Variants in RBMS3 observed in about 807,000 individuals in gnomAD.
RBMS3 encodes RNA binding motif single stranded interacting protein 3, also known as RNA-binding motif, single-stranded-interacting protein 3.
RBMS3 carries 27 observed loss-of-function variants against 66.8 expected under a neutral mutation model. The ratio of observed to expected loss-of-function variants is 0.40; its 90% CI spans 0.30 to 0.56. RBMS3 has a LOEUF of 0.56. Among genes scored for constraint, RBMS3 ranks in the 20% least tolerant of loss-of-function variants. The probability of loss-of-function intolerance (pLI) is 0.40; values close to 1 mark genes in which losing one functional copy is unlikely to be tolerated. For synonymous variants in RBMS3, 188 were observed against 183.0 expected, an observed-to-expected ratio of 1.03 and a Z score of -0.22; for missense variants, 513 against 549.5, an observed-to-expected ratio of 0.93 and a Z score of 0.66.
At chr3:29,900,554 G>C (rs982279057) in intron 10 of RBMS3, among the ~76,000 whole-genome samples, 1 of 151,674 alleles carries the variant, frequency 6.6e-6, no homozygotes, top group Non-Finnish European at 1.5e-5. Context: ...GTGCGAGATA[G>C]AGATTTCAAT....
chr3:29,883,249 A>G (rs1273484191), intron 7 of RBMS3, among the ~76,000 whole-genome samples: 3 of 152,060 alleles, frequency 2.0e-5, no homozygotes, highest in Non-Finnish European at 4.4e-5. Context: ...TCTTGGGCCA[A>G]TGTCATAGCT....
chr3:29,794,479 G>A (rs558987672), intron 6 of RBMS3, among the ~76,000 whole-genome samples: 3 of 152,160 alleles, frequency 2.0e-5, no homozygotes, highest in East Asian at 3.9e-4. Context: ...CCAGCTACTC[G>A]GGAGGCTGAG....
chr3:29,879,431 C>T (rs2059686708), intron 7 of RBMS3, among the ~76,000 whole-genome samples: 1 of 151,940 alleles, frequency 6.6e-6, no homozygotes, highest in South Asian at 2.1e-4. Context: ...AAATTGGCTG[C>T]AAGAAATAAA....
chr3:29,828,010 T>A, intron 6 of RBMS3, among the ~76,000 whole-genome samples: 1 of 152,224 alleles, frequency 6.6e-6, no homozygotes, highest in Middle Eastern at 3.4e-3. Context: ...AGTTCATATA[T>A]TTTTGCTTCA....
intron 4 of RBMS3, among the ~76,000 whole-genome samples, chr3:29,679,740 C>T (rs1218881107): frequency 6.8e-6 from 1 of 147,228 alleles, no homozygotes; most frequent in Non-Finnish European, 1.5e-5. Context: ...AGTTAATATG[C>T]TTTAGCAATA....
chr3:29,329,151 G>T (rs1002067273), intron 1 of RBMS3, among the ~76,000 whole-genome samples: 2 of 152,020 alleles, frequency 1.3e-5, no homozygotes, highest in African/African-American at 4.8e-5. Context: ...TGTATTTTTT[G>T]CCCCTGAACT....
chr3:29,538,849 C>T (rs892918700), intron 3 of RBMS3, among the ~76,000 whole-genome samples: 5 of 152,002 alleles, frequency 3.3e-5, no homozygotes, highest in East Asian at 1.9e-4. Context: ...TGTGACATTC[C>T]GTGATTTTTT....
intron 1 of RBMS3, among the ~76,000 whole-genome samples, chr3:29,362,065 G>A (rs530471326): frequency 5.3e-5 from 8 of 152,290 alleles, no homozygotes; most frequent in South Asian, 2.1e-4. Flanking sequence ...GTCATTCTCC[G>A]TCCAGCTTTG....
intron 1 of RBMS3, among the ~76,000 whole-genome samples, chr3:29,297,950 GTTTTGTT>G (rs1171728397): frequency 6.6e-6 from 1 of 151,866 alleles, no homozygotes; most frequent in Non-Finnish European, 1.5e-5. Flanking sequence ...AAGGAATGGA[GTTTTGTT>G]TTAGTTTTTT....
chr3:29,475,872 A>G (rs2042930582), intron 2 of RBMS3, among the ~76,000 whole-genome samples: 1 of 151,392 alleles, frequency 6.6e-6, no homozygotes, highest in Non-Finnish European at 1.5e-5. Context: ...TAAGCTTATT[A>G]AAAAAAAGAG....
chr3:29,897,463 C>A lies in RBMS3; in HGVS notation c.876C>A (p.Val292=). ...SITPFIAASP[V]STYQVQSTSW... ...CGCCATTCATTGCTGCTTCCCCTGT[C>A]TCCACATACCAGGTATGTCCAATTT... The change falls in exon 9 of 15, where the codon GTC becomes GTA. Residue 292 remains valine (V), a synonymous_variant. Coordinates refer to ENST00000383767, the MANE Select transcript of RBMS3 (RefSeq NM_001003793.3). The A allele has an allele frequency of 6.2e-7, 1 of 1,610,626 alleles. No homozygotes were observed.
At chr3:29,986,034 T>C (rs1698367535) in intron 12 of RBMS3, among the ~76,000 whole-genome samples, 1 of 152,148 alleles carries the variant, frequency 6.6e-6, no homozygotes, top group African/African-American at 2.4e-5. Flanking sequence ...CATCCTCTTA[T>C]GCAAAGGATA....
chr3:29,917,567 C>A (rs1049598459), intron 10 of RBMS3, among the ~76,000 whole-genome samples: 1 of 151,976 alleles, frequency 6.6e-6, no homozygotes, highest in Non-Finnish European at 1.5e-5. Context: ...ACTGGCCATA[C>A]ATTCTATTAA....
intron 2 of RBMS3, among the ~76,000 whole-genome samples, chr3:29,458,651 A>C (rs1460417603): frequency 1.3e-5 from 2 of 152,200 alleles, no homozygotes; most frequent in Non-Finnish European, 2.9e-5. Flanking sequence ...GTTTATTCCA[A>C]ATATTTTCAA....
At chr3:29,927,508 T>A (rs563344920) in intron 10 of RBMS3, among the ~76,000 whole-genome samples, 2 of 152,276 alleles carry the variant, frequency 1.3e-5, no homozygotes, top group East Asian at 3.9e-4. Context: ...ATGATCAAAG[T>A]GTGTGCAAAA....
At chr3:29,584,855 A>G (rs1304999110) in intron 3 of RBMS3, among the ~76,000 whole-genome samples, 1 of 152,004 alleles carries the variant, frequency 6.6e-6, no homozygotes, top group Admixed American at 6.6e-5. Flanking sequence ...TCCTGATCCC[A>G]TTCTAGCTTC....
At chr3:29,865,267 C>G (rs1277382830) in intron 6 of RBMS3, among the ~76,000 whole-genome samples, 8 of 151,976 alleles carry the variant, frequency 5.3e-5, no homozygotes, top group Admixed American at 5.2e-4. Context: ...TAGAAACTAC[C>G]TAAAGAGAAG....
chr3:29,308,548 G>A (rs6549923), intron 1 of RBMS3, among the ~76,000 whole-genome samples: 77,327 of 151,182 alleles, frequency 0.51, 20,319 homozygotes, highest in Middle Eastern at 0.59. Flanking sequence ...ATAGGAACCT[G>A]CCAGGGCTAA....
chr3:29,637,866 C>T, intron 4 of RBMS3, among the ~76,000 whole-genome samples: 1 of 151,798 alleles, frequency 6.6e-6, no homozygotes, highest in East Asian at 1.9e-4. Context: ...TGACAACACT[C>T]AAATTATCCA....
Sources: gnomAD v4.1 joint callset for allele counts (sites outside exome capture counted in the v4.1 genomes callset) on GRCh38, gnomAD v4.1.1 for gene constraint, MANE v1.5 for transcripts, NCBI Gene and HGNC (gene_info 2026-07-23, HGNC 2026-07-21) for gene names.